NAT1: variants seen among roughly 807,000 people sequenced by gnomAD.
The protein encoded by NAT1 is N-acetyltransferase 1, also known as arylamine N-acetyltransferase 1.
For synonymous variants in NAT1, 144 were observed against 122.6 expected (o/e 1.17, Z -1.16); for missense variants, 400 against 339.2 (o/e 1.18, Z -1.41).
intron 2 of NAT1, among the ~76,000 whole-genome samples, chr8:18,183,673 C>G (rs1477646494): frequency 6.6e-6 from 1 of 152,094 alleles, no homozygotes; most frequent in Non-Finnish European, 1.5e-5. Context: ...AGACGAATCC[C>G]CTCCCACAAT....
chr8:18,214,849 C>A (rs1341978971), intron 1 of NAT1, among the ~76,000 whole-genome samples: 1 of 152,198 alleles, frequency 6.6e-6, no homozygotes, highest in African/African-American at 2.4e-5. Context: ...ACCCTCCAAC[C>A]TGTGAAAGGC....
intron 2 of NAT1, among the ~76,000 whole-genome samples, chr8:18,221,066 C>G (rs771109656): frequency 2.0e-5 from 3 of 152,144 alleles, no homozygotes; most frequent in Non-Finnish European, 4.4e-5. Flanking sequence ...CAGTAAAAAC[C>G]AAAATGCCAG....
At chr8:18,213,923 C>T (rs1804364593) in intron 1 of NAT1, among the ~76,000 whole-genome samples, 1 of 151,898 alleles carries the variant, frequency 6.6e-6, no homozygotes. Context: ...ACGCCATTCT[C>T]CTGCCTCAGC....
chr8:18,220,201 T>G (rs918257996), intron 2 of NAT1, among the ~76,000 whole-genome samples: 1 of 152,064 alleles, frequency 6.6e-6, no homozygotes, highest in African/African-American at 2.4e-5. Context: ...AGGGTGCTGG[T>G]GGAAGTTAGG....
chr8:18,212,035 A>G (rs1346840616), intron 1 of NAT1, among the ~76,000 whole-genome samples: 4 of 152,024 alleles, frequency 2.6e-5, no homozygotes, highest in Admixed American at 6.5e-5. Context: ...TAATTCTTCT[A>G]TGTTGGGCTC....
At chr8:18,218,529 G>A (rs1156946899) in intron 1 of NAT1, among the ~76,000 whole-genome samples, 3 of 152,150 alleles carry the variant, frequency 2.0e-5, no homozygotes, top group African/African-American at 7.2e-5. Context: ...TCTGAGGAAT[G>A]GGCTTTCTAA....
chr8:18,201,287 A>G (rs1406805361), intron 2 of NAT1: 1 of 152,204 alleles, frequency 6.6e-6, no homozygotes, highest in East Asian at 1.9e-4. Flanking sequence ...AACTCATTCT[A>G]GTCCATTTTG....
Position 18,193,014 on chromosome 8 carries a change from AAAC to A in NAT1, n.93-16752_93-16750del, listed in dbSNP as rs537232287. ...ATAATAATAAAAAATAAAATAAAATAAACAACAACAACAACAAAAGATTTTCCA... is the reference window on the plus strand; with the variant it reads ...ATAATAATAAAAAATAAAATAAAATAAACAACAACAACAAAAGATTTTCCA... On this transcript the variant is annotated intron_variant and non_coding_transcript_variant, in intron 2 of 4. Transcript: ENST00000517441. 5.2e-3 allele frequency among the ~76,000 whole-genome samples: 792 copies of A among 151,538 alleles called. 6 individuals are homozygous for A. The highest frequency in any genetic ancestry group is 0.018 in the African/African-American group (730 of 41,270).
chr8:18,182,007 A>G (rs928097284), intron 2 of NAT1, among the ~76,000 whole-genome samples: 1 of 151,812 alleles, frequency 6.6e-6, no homozygotes, highest in Non-Finnish European at 1.5e-5. Context: ...TCCCATACCC[A>G]CTTCCCATTC....
At chr8:18,173,198 A>C (rs925228131) in intron 2 of NAT1, among the ~76,000 whole-genome samples, 1 of 152,010 alleles carries the variant, frequency 6.6e-6, no homozygotes. Flanking sequence ...TGCACAGCAC[A>C]GGATATGAGC....
chr8:18,213,299 GCACT>G (rs1804294397), intron 1 of NAT1, among the ~76,000 whole-genome samples: 1 of 151,922 alleles, frequency 6.6e-6, no homozygotes, highest in Non-Finnish European at 1.5e-5. Flanking sequence ...GACAGGGAAT[GCACT>G]CTCCAATTAC....
At chr8:18,200,318 TAA>T (rs71217306) in intron 2 of NAT1, among the ~76,000 whole-genome samples, 1,653 of 151,784 alleles carry the variant, frequency 0.011, 15 homozygotes, top group Middle Eastern at 0.078. Context: ...TAGACTGGAT[TAA>T]AAAAAAATAT....
At chr8:18,172,118 A>T (rs1217413831) in intron 2 of NAT1, among the ~76,000 whole-genome samples, 1 of 152,184 alleles carries the variant, frequency 6.6e-6, no homozygotes, top group African/African-American at 2.4e-5. Flanking sequence ...GTGTGAGTGT[A>T]GCGTCACAAG....
chr8:18,189,501 T>G (rs1048692596), intron 2 of NAT1, among the ~76,000 whole-genome samples: 4 of 152,170 alleles, frequency 2.6e-5, no homozygotes, highest in African/African-American at 9.7e-5. Context: ...AACATAGAGT[T>G]GATCAAATAT....
At chr8:18,213,579 C>T (rs1224204733) in intron 1 of NAT1, among the ~76,000 whole-genome samples, 1 of 152,088 alleles carries the variant, frequency 6.6e-6, no homozygotes, top group Non-Finnish European at 1.5e-5. Context: ...CTTTGTCTCA[C>T]TCCTGCAAAC....
At chr8:18,199,700 A>G (rs914520759) in intron 2 of NAT1, among the ~76,000 whole-genome samples, 1 of 152,192 alleles carries the variant, frequency 6.6e-6, no homozygotes, top group Non-Finnish European at 1.5e-5. Context: ...GATGGCTGAT[A>G]AGTCACTGGT....
chr8:18,188,726 G>A (rs1454081526), intron 2 of NAT1, among the ~76,000 whole-genome samples: 2 of 151,806 alleles, frequency 1.3e-5, no homozygotes, highest in Admixed American at 6.6e-5. Flanking sequence ...GGCCGGGCGT[G>A]GTGGCTCATA....
upstream of NAT1, among the ~76,000 whole-genome samples, chr8:18,205,261 G>C (rs1803659657): frequency 6.6e-6 from 1 of 152,192 alleles, no homozygotes; most frequent in African/African-American, 2.4e-5. Flanking sequence ...TCATCATAGG[G>C]GTGGAGGCAA....
chr8:18,222,176 T>C lies in NAT1; in HGVS notation c.129T>C (p.His43=), dbSNP rs1316245583. The change falls in exon 3 of 3, where the codon CAT becomes CAC. Residue 43 remains histidine, a synonymous_variant. Transcript: ENST00000307719. ...TTCCCTTTGAGAACCTTAACATCCA[T>C]TGTGGGGATGCCATGGACTTAGGCT... ...RAVPFENLNI[H]CGDAMDLGLE... is the part of the protein sequence containing the mutation. 21 of 1,613,976 alleles carry C rather than the reference T, an allele frequency of 1.3e-5. No homozygotes were observed. The highest frequency in any genetic ancestry group is 1.5e-5 in the Non-Finnish European group (18 of 1,179,996).
Sources: gnomAD v4.1 joint callset for allele counts (sites outside exome capture counted in the v4.1 genomes callset) on GRCh38, gnomAD v4.1.1 for gene constraint, MANE v1.5 for transcripts, NCBI Gene and HGNC (gene_info 2026-07-23, HGNC 2026-07-21) for gene names.